AKIP1: variants seen among roughly 807,000 people sequenced by gnomAD.
The protein encoded by AKIP1 is A-kinase interacting protein 1.
Under a neutral mutation model 22.3 loss-of-function variants are expected in AKIP1, and 18 were observed. The ratio of observed to expected loss-of-function variants is 0.81; its 90% CI spans 0.56 to 1.19. The LOEUF (loss-of-function observed/expected upper bound fraction) is 1.19, where lower values mean the gene tolerates loss of function less well. Ranked by LOEUF, AKIP1 falls within the 50% of genes most tolerant of loss-of-function variation. The pLI is 0.00. For synonymous variants in AKIP1, 120 were observed against 102.7 expected (o/e 1.17, Z -1.02); for missense variants, 287 against 264.6 (o/e 1.08, Z -0.59).
At chr11:8,917,787 T>A in intron 5 of AKIP1, 1 of 266,504 alleles carries the variant, frequency 3.8e-6, no homozygotes, top group Non-Finnish European at 7.0e-6. Flanking sequence ...TTCCAAAACA[T>A]TTGAAGGCAT....
intron 2 of AKIP1, among the ~76,000 whole-genome samples, chr11:8,912,219 A>G (rs1468045967): frequency 3.0e-5 from 4 of 135,290 alleles, no homozygotes; most frequent in Non-Finnish European, 6.6e-5. Context: ...AAAAAAAAAA[A>G]ATCTTACAGC....
rs748217874 is a variant in AKIP1 at position 8,917,402 on chromosome 11, C to T, written c.489+35C>T. On this transcript the variant is annotated intron_variant, in intron 5 of 5. Transcript: ENST00000309377. ...GAACTGCTTACGCACTGGGTTTCAC[C>T]ACCGTTGCAACTCCATGAACCAGTT... 8 of 1,509,624 alleles carry T rather than the reference C, an allele frequency of 5.3e-6. No individual in the cohort carries two copies. In the South Asian group the frequency reaches 9.0e-5, roughly 17 times the overall value. The allele number at this position is 1,509,624 out of a possible 1,614,324, so 93.5% of individuals were successfully genotyped here.
In AKIP1 at chr11:8,916,564, C is replaced by A. The variant is rs185458491; in HGVS notation, c.409-723C>A. Reference sequence around the variant, plus strand: ...AGAGTCTAAGTTGGATTCCTGACTTCTTTGGTCTGTCAGCCATTTTGGGGT... The same window carrying A: ...AGAGTCTAAGTTGGATTCCTGACTTATTTGGTCTGTCAGCCATTTTGGGGT... On this transcript the variant is annotated intron_variant, in intron 4 of 5. Transcript: ENST00000309377. Among the ~76,000 whole-genome samples, 3 of 152,282 alleles carry A rather than the reference C, an allele frequency of 2.0e-5. 1 individual carries two copies. The Middle Eastern group carries it at 0.01, about 518-fold the overall frequency.
At chr11:8,912,563 C>G in intron 3 of AKIP1, 30 bp downstream of exon 3, 1 of 1,578,378 alleles carries the variant, frequency 6.3e-7, no homozygotes, top group Non-Finnish European at 8.7e-7. Flanking sequence ...AACTATGCCC[C>G]ATCACCTGCT....
At chr11:8,912,341 C>T in intron 2 of AKIP1, 112 bp from the exon 3 acceptor site, 1 of 786,020 alleles carries the variant, frequency 1.3e-6, no homozygotes, top group Non-Finnish European at 2.2e-6. Context: ...TTCTTTCTGA[C>T]ATAAACTTGC....
intron 5 of AKIP1, among the ~76,000 whole-genome samples, chr11:8,918,532 C>G (rs1032096403): frequency 2.6e-5 from 4 of 152,204 alleles, no homozygotes; most frequent in Admixed American, 2.6e-4. Context: ...ATGGCCCCTT[C>G]TCAGCATTAA....
At chr11:8,916,964 T>C (rs1456687598) in intron 4 of AKIP1, among the ~76,000 whole-genome samples, 1 of 152,160 alleles carries the variant, frequency 6.6e-6, no homozygotes, top group Non-Finnish European at 1.5e-5. Flanking sequence ...CACTTTAAAT[T>C]TTCCCTGCAA....
chr11:8,919,641 T>G lies in AKIP1; in HGVS notation c.*161T>G. The G allele has an allele frequency of 1.3e-6, 1 of 792,374 alleles. No individual in the cohort carries two copies. The highest frequency in any genetic ancestry group is 1.9e-5 in the South Asian group (1 of 53,568). 49.1% of individuals were successfully genotyped at this position (792,374 alleles called of 1,614,324 possible). A position where few individuals can be genotyped will look rare whatever the true frequency, so the allele number is the denominator to read the frequency against. ...CTCTTTCAGTGCTTTTTTGTTTGTTTGGTTGGTTTTTTTTTGAGACAGTCT... is the reference window on the plus strand; with the variant it reads ...CTCTTTCAGTGCTTTTTTGTTTGTTGGGTTGGTTTTTTTTTGAGACAGTCT... On this transcript the variant is annotated 3_prime_UTR_variant, in exon 6 of 6. Transcript: ENST00000309377.
chr11:8,914,813 A>G lies in AKIP1; in HGVS notation c.304-13A>G, dbSNP rs1235370339. On this transcript the variant is annotated splice_polypyrimidine_tract_variant and intron_variant, in intron 3 of 5. Transcript: ENST00000309377. ...AATTTGGTTAGCTAACATCTTTGAC[A>G]TTACGTCTCTAGAAATATTATTCAT... 3 of 1,591,682 alleles carry G rather than the reference A, an allele frequency of 1.9e-6. No individual in the cohort carries two copies. Among genetic ancestry groups the G allele is most frequent in the Admixed American group, 1.7e-5 (1 of 59,362 alleles).
intron 2 of AKIP1, 95 bp downstream of exon 2, chr11:8,911,766 C>A: frequency 8.0e-7 from 1 of 1,253,622 alleles, no homozygotes; most frequent in Non-Finnish European, 1.1e-6. Flanking sequence ...GCTGAGGAAA[C>A]CTTCCCTTAG....
intron 4 of AKIP1, among the ~76,000 whole-genome samples, chr11:8,915,347 ATTTTTTT>A (rs146108642): frequency 1.9e-3 from 197 of 105,012 alleles, no homozygotes; most frequent in East Asian, 7.8e-3. Flanking sequence ...TAGGGATAGG[ATTTTTTT>A]TTTCTTTTTT....
intron 4 of AKIP1, among the ~76,000 whole-genome samples, chr11:8,916,443 G>T (rs369118663): frequency 8.5e-5 from 13 of 152,182 alleles, no homozygotes; most frequent in Non-Finnish European, 1.5e-5. Flanking sequence ...GGAGGAGGTG[G>T]TGGTGGTGGT....
At chr11:8,915,641 ATT>A (rs574171233) in intron 4 of AKIP1, among the ~76,000 whole-genome samples, 11 of 137,136 alleles carry the variant, frequency 8.0e-5, no homozygotes, top group Admixed American at 7.3e-5. Flanking sequence ...GTCTTTGGTA[ATT>A]TTTTTTTTTT....
At chr11:8,913,027 A>T (rs1455140500) in intron 3 of AKIP1, among the ~76,000 whole-genome samples, 1 of 147,838 alleles carries the variant, frequency 6.8e-6, no homozygotes, top group Non-Finnish European at 1.5e-5. Context: ...GGCGCCCACC[A>T]CCACGCCCAG....
At position 8,911,595 on chromosome 11, in the gene AKIP1, TG is replaced by T. The variant is rs748815079; in HGVS notation, c.151del (p.Val51SerfsTer9). ...WHALERPKGCMGVLAREAPHL... is the reference protein window; with the variant it reads ...WHALERPKGCXGVLAREAPHL... ...GCCCTGGAGCGTCCCAAAGGCTGCA[TG>T]GGGGTCCTTGCCCGGGAGGCGCCCC... On this transcript the variant is annotated frameshift_variant, in exon 2 of 6. Coordinates refer to ENST00000309377, the MANE Select transcript of AKIP1 (RefSeq NM_020642.4). LOFTEE classifies it high-confidence loss of function. The T allele has an allele frequency of 1.9e-6, 3 of 1,606,896 alleles. No individual in the cohort carries two copies. The African/African-American group carries it at 4.0e-5, about 22-fold the overall frequency.
chr11:8,912,860 G>A (rs535160698), intron 3 of AKIP1, among the ~76,000 whole-genome samples: 1 of 119,700 alleles, frequency 8.4e-6, no homozygotes, highest in Non-Finnish European at 1.8e-5. Context: ...AATATTAGGG[G>A]TTTTTTTTAA....
At chr11:8,919,266 G>A in intron 5 of AKIP1, 71 bp from the exon 6 acceptor site, 1 of 1,465,630 alleles carries the variant, frequency 6.8e-7, no homozygotes, top group Non-Finnish European at 9.3e-7. Context: ...AGGACAGGTA[G>A]CCTGCTGGGG....
At chr11:8,911,767 C>A in intron 2 of AKIP1, 96 bp downstream of exon 2, 1 of 1,227,394 alleles carries the variant, frequency 8.1e-7, no homozygotes. Context: ...CTGAGGAAAC[C>A]TTCCCTTAGC....
chr11:8,918,734 C>T (rs2064526893), intron 5 of AKIP1, among the ~76,000 whole-genome samples: 2 of 152,242 alleles, frequency 1.3e-5, no homozygotes, highest in African/African-American at 2.4e-5. Flanking sequence ...TAAATAAAAT[C>T]TTTCCATTAA....
Sources: allele counts gnomAD v4.1 joint callset (sites outside exome capture counted in the v4.1 genomes callset), GRCh38; gene constraint gnomAD v4.1.1; transcripts MANE v1.5; gene names NCBI Gene and HGNC (gene_info 2026-07-23, HGNC 2026-07-21).